Variants in CDKN2B-AS1 observed in about 807,000 individuals in gnomAD.
The protein encoded by CDKN2B-AS1 is CDKN2B antisense RNA 1 (non-protein coding).
intron 1 of CDKN2B-AS1, among the ~76,000 whole-genome samples, chr9:22,035,703 T>C (rs914635208): frequency 3.3e-4 from 50 of 152,176 alleles, no homozygotes; most frequent in Admixed American, 2.6e-4. Context: ...ATTGGGCTGT[T>C]TATGCCACAT....
chr9:22,086,457 A>C (rs1311773772), intron 4 of CDKN2B-AS1, among the ~76,000 whole-genome samples: 1 of 152,242 alleles, frequency 6.6e-6, no homozygotes, highest in African/African-American at 2.4e-5. Flanking sequence ...AACATTTACA[A>C]GTCCCAAGCA....
At chr9:22,121,604 C>T (rs1826105885) in intron 4 of CDKN2B-AS1, among the ~76,000 whole-genome samples, 1 of 152,048 alleles carries the variant, frequency 6.6e-6, no homozygotes, top group African/African-American at 2.4e-5. Flanking sequence ...CTTTTTACTT[C>T]TATGAAATCA....
At chr9:22,066,070 A>C (rs1824022640) in intron 4 of CDKN2B-AS1, among the ~76,000 whole-genome samples, 1 of 152,126 alleles carries the variant, frequency 6.6e-6, no homozygotes, top group African/African-American at 2.4e-5. Flanking sequence ...TTTCTGTAAT[A>C]GCTCATATTG....
chr9:22,113,749 T>C (rs1825864282), intron 4 of CDKN2B-AS1: 2 of 151,616 alleles, frequency 1.3e-5, no homozygotes, highest in South Asian at 2.1e-4. Flanking sequence ...CTGTATCTCA[T>C]TGGGGATACG....
intron 1 of CDKN2B-AS1, among the ~76,000 whole-genome samples, chr9:22,038,513 G>GTA (rs1258292832): frequency 2.0e-5 from 3 of 151,994 alleles, no homozygotes; most frequent in African/African-American, 7.2e-5. Context: ...TTTTAAGAGA[G>GTA]TATAGCACAA....
Position 22,039,292 on chromosome 9 carries a change from G to A in CDKN2B-AS1, n.30-7459G>A, listed in dbSNP as rs1822810980. On this transcript the variant is annotated intron_variant and non_coding_transcript_variant, in intron 1 of 4. Transcript: ENST00000650946. This position sits in a 1 kb window ranked among gnomAD's most constrained non-coding sequence, Gnocchi z 4.4. ...GTTTAATTTCCTGTGAGCTTCCCAT[G>A]TTCTCTCCCTGCAAGGACCACCTCA... 1.3e-5 allele frequency among the ~76,000 whole-genome samples: 2 copies of A among 151,938 alleles called. No homozygotes were observed. Among genetic ancestry groups the A allele is most frequent in the South Asian group, 4.1e-4 (2 of 4,830 alleles).
chr9:22,005,958 G>T lies in CDKN2B-AS1; in HGVS notation n.29+10797G>T, dbSNP rs774079532. 3 of 1,598,104 alleles carry T rather than the reference G, an allele frequency of 1.9e-6. No individual in the cohort carries two copies. Among genetic ancestry groups the T allele is most frequent in the Non-Finnish European group, 2.5e-6 (3 of 1,179,316 alleles). The stretch of plus-strand genomic sequence containing the variant: ...GTGGGAAATTGGGTAAGAAAATAAA[G>T]TCGTTGTGGGCGGCTGGGGAACCTG... On this transcript the variant is annotated intron_variant and non_coding_transcript_variant, in intron 1 of 4. Transcript: ENST00000650946. This position sits in a 1 kb window ranked among gnomAD's most constrained non-coding sequence, Gnocchi z 4.9.
At chr9:22,056,641 C>T (rs549701193) in intron 4 of CDKN2B-AS1, among the ~76,000 whole-genome samples, 1 of 152,312 alleles carries the variant, frequency 6.6e-6, no homozygotes, top group East Asian at 1.9e-4. Context: ...GTCTTCTTTT[C>T]TGGCTTCTCT....
rs1194723277 is a variant in CDKN2B-AS1 at position 22,006,290 on chromosome 9, G to T, written n.29+11129G>T. 6.3e-7 allele frequency: 1 copy of T among 1,599,234 alleles called. No homozygotes were observed. Among genetic ancestry groups the T allele is most frequent in the Non-Finnish European group, 8.5e-7 (1 of 1,179,656 alleles). On this transcript the variant is annotated intron_variant and non_coding_transcript_variant, in intron 1 of 4. Transcript: ENST00000650946. This position sits in a 1 kb window ranked among gnomAD's most constrained non-coding sequence, Gnocchi z 6.4. Reference sequence around the variant, plus strand: ...GTGGTCAGAGCCAGGGTGGGGGCAGGTATGGGAGATGCCGGCCGGGGCAAG... The same window carrying T: ...GTGGTCAGAGCCAGGGTGGGGGCAGTTATGGGAGATGCCGGCCGGGGCAAG...
rs1384106864 is a variant in CDKN2B-AS1, at chr9:22,016,910, A to G, written n.29+21749A>G. Among the ~76,000 whole-genome samples the G allele has an allele frequency of 6.6e-5, 10 of 152,358 alleles. 1 individual carries two copies. The highest frequency in any genetic ancestry group is 3.9e-4 in the Admixed American group (6 of 15,300). On this transcript the variant is annotated intron_variant and non_coding_transcript_variant, in intron 1 of 4. Coordinates refer to ENST00000650946, the Ensembl canonical transcript of CDKN2B-AS1. ...TGCTATGTTTTAACCCATTATAGTT[A>G]TTATTCCTGTTGATGATCAAGCTCT...
In CDKN2B-AS1 at chr9:22,009,627, C is replaced by T. The variant is rs996554730; in HGVS notation, n.29+14466C>T. On this transcript the variant is annotated intron_variant and non_coding_transcript_variant, in intron 1 of 4. Transcript: ENST00000650946. ...AGAGGATTTCTGTTCCTTCAGCCAG[C>T]CAGTTGGTTTCACTGTGGAGACGTT... is the stretch of plus-strand genomic sequence containing the variant. 3.9e-5 allele frequency among the ~76,000 whole-genome samples: 6 copies of T among 152,208 alleles called. No individual in the cohort carries two copies. In the East Asian group the frequency reaches 5.8e-4, roughly 15 times the overall value.
exon 5 of CDKN2B-AS1, among the ~76,000 whole-genome samples, chr9:22,127,658 A>G (rs1818037772): frequency 6.6e-6 from 1 of 152,144 alleles, no homozygotes; most frequent in Non-Finnish European, 1.5e-5. Flanking sequence ...AAAGGAAGGC[A>G]GGGATGAGAG....
chr9:22,025,789 C>G (rs554900252), intron 1 of CDKN2B-AS1, among the ~76,000 whole-genome samples: 1 of 152,286 alleles, frequency 6.6e-6, no homozygotes, highest in South Asian at 2.1e-4. Flanking sequence ...GAGACCTCAC[C>G]CAGCCAGGAG....
rs538014284 is a variant in CDKN2B-AS1, at chr9:22,094,437, C to T, written n.439-32666C>T. 2.3e-4 allele frequency among the ~76,000 whole-genome samples: 33 copies of T among 144,468 alleles called. 2 individuals are homozygous for T. The South Asian group carries it at 4.2e-3, about 18-fold the overall frequency. The allele number at this position is 144,468 out of a possible 152,430, so 94.8% of individuals were successfully genotyped here. A position where few individuals can be genotyped will look rare whatever the true frequency, so the allele number is the denominator to read the frequency against. On this transcript the variant is annotated intron_variant and non_coding_transcript_variant, in intron 4 of 4. Coordinates refer to ENST00000650946, the Ensembl canonical transcript of CDKN2B-AS1. ...TTTTCCAACTTGGTTCCATTCTGCC[C>T]GTCACTTTCAGGTACTCCAATCAGA...
rs1400311769 is a variant in CDKN2B-AS1, at chr9:22,009,205, A to G, written n.29+14044A>G. 1.3e-5 allele frequency: 8 copies of G among 608,964 alleles called. 1 individual carries two copies. The East Asian group carries it at 2.3e-4, about 17-fold the overall frequency. The allele number at this position is 608,964 out of a possible 1,614,324, so 37.7% of individuals were successfully genotyped here. On this transcript the variant is annotated intron_variant and non_coding_transcript_variant, in intron 1 of 4. Coordinates refer to ENST00000650946, the Ensembl canonical transcript of CDKN2B-AS1. ...GGGCGCGCCTGGATTGCTTCTGGGA[A>G]AAAGCGCCTAGCGCGGACGCAGCCG...
intron 1 of CDKN2B-AS1, chr9:22,029,661 G>T: frequency 3.9e-6 from 2 of 508,106 alleles, no homozygotes; most frequent in Non-Finnish European, 7.1e-6. Context: ...TTGGGGAAAT[G>T]TTCTCTTCCA....
Position 21,997,450 on chromosome 9 carries a change from CACAT to C in CDKN2B-AS1, n.29+2291_29+2294del. 6.6e-6 allele frequency among the ~76,000 whole-genome samples: 1 copy of C among 151,182 alleles called. No individual in the cohort carries two copies. Among genetic ancestry groups the C allele is most frequent in the Non-Finnish European group, 1.5e-5 (1 of 67,858 alleles). On this transcript the variant is annotated intron_variant and non_coding_transcript_variant, in intron 1 of 4. Coordinates refer to ENST00000650946, the Ensembl canonical transcript of CDKN2B-AS1. This position sits in a 1 kb window ranked among gnomAD's most constrained non-coding sequence, Gnocchi z 4.8. ...TATACGTACATTATATGTCTACACACACATATGTGGGGGAGAGAAAGAGAGGGAG... is the reference window on the plus strand; with the variant it reads ...TATACGTACATTATATGTCTACACACATGTGGGGGAGAGAAAGAGAGGGAG...
intron 1 of CDKN2B-AS1, among the ~76,000 whole-genome samples, chr9:22,042,419 CT>C (rs1476735252): frequency 2.0e-5 from 3 of 151,984 alleles, no homozygotes; most frequent in African/African-American, 7.2e-5. Flanking sequence ...TTATTTCTGT[CT>C]TTAAAAAGCA....
chr9:22,022,701 T>C (rs781420046), intron 1 of CDKN2B-AS1, among the ~76,000 whole-genome samples: 2 of 152,140 alleles, frequency 1.3e-5, no homozygotes, highest in Non-Finnish European at 2.9e-5. Flanking sequence ...AGACTTGTTT[T>C]TGTGGTTGCT....
Sources: allele counts gnomAD v4.1 joint callset (sites outside exome capture counted in the v4.1 genomes callset), GRCh38; gene constraint gnomAD v4.1.1; non-coding constraint Gnocchi (gnomAD v3.1); transcripts MANE v1.5; gene names NCBI Gene and HGNC (gene_info 2026-07-23, HGNC 2026-07-21).